Variants in NCAPG observed in about 807,000 individuals in gnomAD.
NCAPG encodes the protein condensin complex subunit 3.
NCAPG carries 69 observed loss-of-function variants against 113.1 expected under a neutral mutation model. The observed-to-expected ratio is 0.61, with a 90% CI of 0.50 to 0.75. The LOEUF is 0.75. Ranked by LOEUF, NCAPG falls within the 30% of genes least tolerant of loss-of-function variation. The pLI is 0.00. For synonymous variants in NCAPG, 370 were observed against 415.8 expected, an observed-to-expected ratio of 0.89 and a Z score of 1.34; for missense variants, 1,058 against 1,177.0, an observed-to-expected ratio of 0.90 and a Z score of 1.48.
Position 17,825,576 on chromosome 4 carries a change from T to A in NCAPG, c.1653+15T>A. On this transcript the variant is annotated intron_variant, in intron 11 of 20. Coordinates refer to ENST00000251496, the MANE Select transcript of NCAPG (RefSeq NM_022346.5). ...ACATAGAGAAGGTACAGGTAACTTT[T>A]TTCATACTAAATCTCAGGTGTTATT... is the stretch of plus-strand genomic sequence containing the variant. 1 of 1,569,224 alleles carries A rather than the reference T, an allele frequency of 6.4e-7. No individual in the cohort carries two copies. The highest frequency in any genetic ancestry group is 8.6e-7 in the Non-Finnish European group (1 of 1,165,402).
chr4:17,814,791 T>G (rs1405193754), intron 3 of NCAPG, 62 bp from the exon 4 acceptor site: 1 of 1,519,998 alleles, frequency 6.6e-7, no homozygotes, highest in Non-Finnish European at 9.1e-7. Flanking sequence ...ATGTGTGTTA[T>G]TTTATGACTG....
chr4:17,825,314 T>A, intron 10 of NCAPG, 68 bp from the exon 11 acceptor site: 1 of 1,342,738 alleles, frequency 7.4e-7, no homozygotes, highest in Middle Eastern at 2.7e-4. Flanking sequence ...ATAATACTCC[T>A]GAGTTGCTAC....
intron 16 of NCAPG, 130 bp downstream of exon 16, chr4:17,837,931 C>G (rs147183050): frequency 1.2e-5 from 11 of 902,796 alleles, no homozygotes; most frequent in Admixed American, 9.6e-5. Context: ...CCACAAAGCA[C>G]GAAAGAAACA....
intron 14 of NCAPG, among the ~76,000 whole-genome samples, chr4:17,834,743 T>TA (rs1234177719): frequency 1.3e-5 from 2 of 152,110 alleles, no homozygotes; most frequent in Non-Finnish European, 2.9e-5. Context: ...CCTACCCCCC[T>TA]ATCCCCTGAT....
chr4:17,834,147 A>G (rs1721986749), intron 13 of NCAPG, 152 bp from the exon 14 acceptor site: 1 of 500,324 alleles, frequency 2.0e-6, no homozygotes, highest in Non-Finnish European at 3.5e-6. Flanking sequence ...TGAAATTTTA[A>G]CTGTATTTTT....
rs771186675 is a variant in NCAPG at position 17,840,052 on chromosome 4, A to G, written c.2629-19A>G. ...GGAATGCGGTGTTTACAAAATGTTA[A>G]TAATGTTTTCTTTTATAGCAAGTAA... is the stretch of plus-strand genomic sequence containing the variant. On this transcript the variant is annotated intron_variant, in intron 17 of 20. Transcript: ENST00000251496. 1.3e-6 allele frequency: 2 copies of G among 1,589,768 alleles called. No homozygotes were observed. The highest frequency in any genetic ancestry group is 1.7e-6 in the Non-Finnish European group (2 of 1,171,510).
chr4:17,820,240 T>C (rs1358983456), intron 7 of NCAPG, among the ~76,000 whole-genome samples: 3 of 152,186 alleles, frequency 2.0e-5, no homozygotes, highest in Admixed American at 2.0e-4. Context: ...TAACATTTCC[T>C]TTGTCACTCT....
At chr4:17,812,156 G>A in intron 1 of NCAPG, 65 bp from the exon 2 acceptor site, 3 of 1,192,494 alleles carry the variant, frequency 2.5e-6, no homozygotes, top group Non-Finnish European at 3.7e-6. Flanking sequence ...ATCAGTCTTA[G>A]GGTGATGTTG....
chr4:17,818,172 T>C (rs1721296673), intron 7 of NCAPG, 84 bp downstream of exon 7: 2 of 1,407,324 alleles, frequency 1.4e-6, no homozygotes, highest in Non-Finnish European at 1.9e-6. Flanking sequence ...AAGTCATGTT[T>C]GATTGTGAAT....
intron 14 of NCAPG, among the ~76,000 whole-genome samples, chr4:17,836,460 T>G (rs1475352698): frequency 2.0e-5 from 3 of 152,190 alleles, no homozygotes; most frequent in African/African-American, 7.2e-5. Context: ...ACACTCATTT[T>G]TTTCTTTTGT....
intron 5 of NCAPG, 35 bp from the exon 6 acceptor site, chr4:17,817,226 G>A: frequency 6.7e-7 from 1 of 1,488,224 alleles, no homozygotes; most frequent in Non-Finnish European, 9.3e-7. Flanking sequence ...GCTAGAGGGA[G>A]CCTTTGTTCA....
chr4:17,823,840 T>G, intron 9 of NCAPG, 70 bp downstream of exon 9: 1 of 1,300,032 alleles, frequency 7.7e-7, no homozygotes, highest in African/African-American at 1.5e-5. Flanking sequence ...TTATTTTCTG[T>G]TTAGAACTTT....
intron 14 of NCAPG, 73 bp downstream of exon 14, chr4:17,834,596 T>A (rs1472069340): frequency 4.0e-6 from 4 of 1,005,944 alleles, no homozygotes; most frequent in Non-Finnish European, 4.1e-6. Context: ...TATTATTTTT[T>A]AAATTTATTA....
intron 13 of NCAPG, among the ~76,000 whole-genome samples, chr4:17,833,978 A>C (rs894466038): frequency 6.6e-6 from 1 of 152,228 alleles, no homozygotes; most frequent in Non-Finnish European, 1.5e-5. Flanking sequence ...AGTTGAAGGC[A>C]TTGTTGATTC....
chr4:17,837,421 TTTG>T (rs1722147023), intron 15 of NCAPG, 81 bp downstream of exon 15: 2 of 1,349,410 alleles, frequency 1.5e-6, no homozygotes, highest in Non-Finnish European at 2.0e-6. Flanking sequence ...ATAATGATAT[TTTG>T]TTGTTGATAC....
chr4:17,819,407 AT>A lies in NCAPG; in HGVS notation c.1118+1332del, dbSNP rs11430673. Among the ~76,000 whole-genome samples, 699 of 145,046 alleles carry A rather than the reference AT, an allele frequency of 4.8e-3. 15 individuals carry two copies. The East Asian group carries it at 0.06, about 12-fold the overall frequency. On this transcript the variant is annotated intron_variant, in intron 7 of 20. Coordinates refer to ENST00000251496, the MANE Select transcript of NCAPG (RefSeq NM_022346.5). ...GTTTTTAACTTCAACTTTATGGTTTATTTTTTTTTTTTTGAGACGGAGTCTT... is the reference window on the plus strand; with the variant it reads ...GTTTTTAACTTCAACTTTATGGTTTATTTTTTTTTTTTGAGACGGAGTCTT...
At chr4:17,812,723 G>T (rs1054946974) in intron 2 of NCAPG, among the ~76,000 whole-genome samples, 194 bp from the exon 3 acceptor site, 2 of 152,120 alleles carry the variant, frequency 1.3e-5, no homozygotes, top group East Asian at 1.9e-4. Context: ...ACTTCTTTCA[G>T]ACTGTTCATT....
At chr4:17,830,427 T>C (rs1721816706) in intron 12 of NCAPG, among the ~76,000 whole-genome samples, 1 of 151,866 alleles carries the variant, frequency 6.6e-6, no homozygotes, top group Admixed American at 6.6e-5. Flanking sequence ...AAAAACCATG[T>C]TGGGTTTCAA....
At chr4:17,833,928 A>G (rs1358221986) in intron 13 of NCAPG, among the ~76,000 whole-genome samples, 1 of 152,188 alleles carries the variant, frequency 6.6e-6, no homozygotes, top group East Asian at 1.9e-4. Flanking sequence ...CTTTCAACAT[A>G]ATTGAACAGT....
Sources: gnomAD v4.1 joint callset for allele counts (sites outside exome capture counted in the v4.1 genomes callset) on GRCh38, gnomAD v4.1.1 for gene constraint, MANE v1.5 for transcripts, NCBI Gene and HGNC (gene_info 2026-07-23, HGNC 2026-07-21) for gene names.